Variants in PTPRM observed in about 807,000 individuals in gnomAD.
PTPRM encodes protein tyrosine phosphatase receptor type M.
Under a neutral mutation model 186.7 loss-of-function variants are expected in PTPRM, and 47 were observed. That is an observed-to-expected ratio of 0.25 (90% CI 0.20 to 0.32). PTPRM has a LOEUF of 0.32. Among genes scored for constraint, PTPRM ranks in the 10% least tolerant of loss-of-function variants. The probability of loss-of-function intolerance (pLI) is 1.00; values close to 1 mark genes in which losing one functional copy is unlikely to be tolerated. For missense variants in PTPRM, 1,494 were observed against 1,865.0 expected (o/e 0.80, Z 3.66); for synonymous variants, 668 against 674.9 (o/e 0.99, Z 0.16).
At chr18:8,176,322 C>T (rs1376270092) in intron 14 of PTPRM, among the ~76,000 whole-genome samples, 2 of 151,980 alleles carry the variant, frequency 1.3e-5, no homozygotes, top group Non-Finnish European at 2.9e-5. Flanking sequence ...AAAAATAGGC[C>T]GAATAGCCAT....
At chr18:8,155,966 C>T (rs998340595) in intron 14 of PTPRM, among the ~76,000 whole-genome samples, 4 of 152,206 alleles carry the variant, frequency 2.6e-5, no homozygotes, top group Non-Finnish European at 5.9e-5. Context: ...AATATGCAGT[C>T]CTATAAGTAT....
In PTPRM at chr18:7,696,044, A is replaced by C. The variant is rs1293413385; in HGVS notation, c.74-78105A>C. 3.9e-5 allele frequency among the ~76,000 whole-genome samples: 6 copies of C among 152,342 alleles called. No individual in the cohort carries two copies. In the East Asian group the frequency reaches 1.2e-3, roughly 29 times the overall value. On this transcript the variant is annotated intron_variant, in intron 1 of 32. Coordinates refer to ENST00000580170, the MANE Select transcript of PTPRM (RefSeq NM_001105244.2). ...TTTAATCCTTTTAATGGTTAATGTC[A>C]GCATTTTAGCATGAACGTTTAAGTG...
intron 14 of PTPRM, among the ~76,000 whole-genome samples, chr18:8,146,962 A>G (rs934563175): frequency 2.0e-5 from 3 of 151,974 alleles, no homozygotes; most frequent in African/African-American, 7.3e-5. Flanking sequence ...ATGGTTCTAG[A>G]TGTGTGGTGT....
At chr18:7,760,654 G>A (rs8091188) in intron 1 of PTPRM, among the ~76,000 whole-genome samples, 6,271 of 152,150 alleles carry the variant, frequency 0.041, 366 homozygotes, top group African/African-American at 0.13. Context: ...AGGTAAGTGC[G>A]TCCCAGGTAG....
intron 23 of PTPRM, among the ~76,000 whole-genome samples, chr18:8,354,518 G>A (rs2095553399): frequency 6.6e-6 from 1 of 152,210 alleles, no homozygotes; most frequent in African/African-American, 2.4e-5. Context: ...AAGGTAGAGA[G>A]AAAGAATGTA....
chr18:7,888,213 T>A lies in PTPRM; in HGVS notation c.304T>A (p.Phe102Ile). Residue 102 changes from phenylalanine to isoleucine, a missense_variant, in exon 3 of 33, where the codon TTT becomes ATT. Phe to Ile is a conservative substitution (Grantham distance 21, BLOSUM62 0). Transcript: ENST00000580170. ...CACCCACTGCATCGATTTTCACTAT[T>A]TTGTGTCCAGCAAGAGTAATTCTCC... is the stretch of plus-strand genomic sequence containing the variant. ...NDTHCIDFHY[F>I]VSSKSNSPPG... 1 of 1,614,168 alleles carries A rather than the reference T, an allele frequency of 6.2e-7. No individual in the cohort carries two copies. The highest frequency in any genetic ancestry group is 8.5e-7 in the Non-Finnish European group (1 of 1,180,026).
chr18:8,238,670 T>G (rs898486970), intron 14 of PTPRM, among the ~76,000 whole-genome samples: 57 of 105,680 alleles, frequency 5.4e-4, no homozygotes, highest in Admixed American at 7.1e-4. Context: ...TTTTTTTTTT[T>G]TTTTTTTTTT....
intron 1 of PTPRM, among the ~76,000 whole-genome samples, chr18:7,617,265 A>C (rs2143927742): frequency 6.6e-6 from 1 of 152,274 alleles, no homozygotes; most frequent in African/African-American, 2.4e-5. Context: ...ACATTTGGGA[A>C]GCTTGAAGTG....
chr18:7,922,240 A>G (rs2050908836), intron 4 of PTPRM, among the ~76,000 whole-genome samples: 2 of 152,188 alleles, frequency 1.3e-5, no homozygotes, highest in South Asian at 4.1e-4. Context: ...GAAAGGATGA[A>G]CAATTCTCCT....
chr18:7,820,958 C>T (rs2045156182), intron 2 of PTPRM, among the ~76,000 whole-genome samples: 1 of 152,202 alleles, frequency 6.6e-6, no homozygotes, highest in Non-Finnish European at 1.5e-5. Flanking sequence ...TCCCCCAGCC[C>T]TGGTCAGCTG....
intron 7 of PTPRM, among the ~76,000 whole-genome samples, chr18:7,961,214 A>G (rs561797059): frequency 5.8e-4 from 88 of 152,346 alleles, no homozygotes; most frequent in African/African-American, 1.6e-3. Flanking sequence ...ATCAAATACT[A>G]GTTTCATTGA....
intron 32 of PTPRM, chr18:8,404,459 A>T (rs766978722): frequency 6.6e-6 from 1 of 152,178 alleles, no homozygotes; most frequent in South Asian, 2.1e-4. Flanking sequence ...TTGACTCTCA[A>T]CTGTGTCAGT....
At chr18:8,055,080 G>A (rs2087823980) in intron 7 of PTPRM, among the ~76,000 whole-genome samples, 1 of 151,942 alleles carries the variant, frequency 6.6e-6, no homozygotes, top group Non-Finnish European at 1.5e-5. Flanking sequence ...TTTGGTGTTG[G>A]TGGTTTAACT....
chr18:7,767,959 G>A (rs1342548655), intron 1 of PTPRM, among the ~76,000 whole-genome samples: 1 of 152,112 alleles, frequency 6.6e-6, no homozygotes, highest in East Asian at 1.9e-4. Context: ...GAAATTTCCA[G>A]GCAAAATAAT....
chr18:7,993,494 G>A (rs1240755156), intron 7 of PTPRM, among the ~76,000 whole-genome samples: 1 of 152,050 alleles, frequency 6.6e-6, no homozygotes, highest in African/African-American at 2.4e-5. Flanking sequence ...CAAGTCACAT[G>A]TAAGAGAATT....
intron 1 of PTPRM, among the ~76,000 whole-genome samples, chr18:7,654,800 T>C (rs1443944915): frequency 6.6e-6 from 1 of 152,190 alleles, no homozygotes; most frequent in Non-Finnish European, 1.5e-5. Context: ...TTCTGTTCCA[T>C]TGGTATATGT....
At chr18:8,352,658 TTTTG>T (rs1408593312) in intron 23 of PTPRM, among the ~76,000 whole-genome samples, 4 of 127,362 alleles carry the variant, frequency 3.1e-5, no homozygotes, top group African/African-American at 1.1e-4. Context: ...GTTTGGTTTT[TTTTG>T]TTTGTTTGTT....
chr18:7,898,215 C>A lies in PTPRM; in HGVS notation c.469-8290C>A, dbSNP rs565660559. Reference sequence around the variant, plus strand: ...TAAAGTTTTTGTAAATGGGTGTGACCCACCTTTGCATTTTATTTAAATCAA... The same window carrying A: ...TAAAGTTTTTGTAAATGGGTGTGACACACCTTTGCATTTTATTTAAATCAA... On this transcript the variant is annotated intron_variant, in intron 3 of 32. Transcript: ENST00000580170. 2.6e-5 allele frequency among the ~76,000 whole-genome samples: 4 copies of A among 152,132 alleles called. No homozygotes were observed. In the South Asian group the frequency reaches 8.3e-4, roughly 32 times the overall value.
At chr18:7,996,766 ATC>A (rs2083561386) in intron 7 of PTPRM, among the ~76,000 whole-genome samples, 1 of 151,770 alleles carries the variant, frequency 6.6e-6, no homozygotes. Context: ...TGAAAATGAA[ATC>A]AAGAAAGCTA....
Sources: gnomAD v4.1 joint callset for allele counts (sites outside exome capture counted in the v4.1 genomes callset) on GRCh38, gnomAD v4.1.1 for gene constraint, MANE v1.5 for transcripts, NCBI Gene and HGNC (gene_info 2026-07-23, HGNC 2026-07-21) for gene names.